Variants in PDE7A observed in about 807,000 individuals in gnomAD.
PDE7A encodes phosphodiesterase 7A.
Under a neutral mutation model 64.3 loss-of-function variants are expected in PDE7A, and 39 were observed. The ratio of observed to expected loss-of-function variants is 0.61; its 90% CI spans 0.47 to 0.79. The LOEUF is 0.79. Among genes scored for constraint, PDE7A ranks in the 30% least tolerant of loss-of-function variants. The pLI is 0.00. For missense variants in PDE7A, 470 were observed against 582.8 expected (o/e 0.81, Z 1.99); for synonymous variants, 203 against 206.8 (o/e 0.98, Z 0.16).
chr8:65,841,461 G>T lies in PDE7A; in HGVS notation c.48C>A (p.Val16=), dbSNP rs760555497. 6.4e-6 allele frequency: 10 copies of T among 1,564,540 alleles called. No individual in the cohort carries two copies. Among genetic ancestry groups the T allele is most frequent in the Non-Finnish European group, 8.6e-6 (10 of 1,160,026 alleles). Reference sequence around the variant, plus strand: ...CTCGGCGGCTGAGGACGTGCTGGGGGACCGGCCTGTCCAGGGGCAGTACCG... The same window carrying T: ...CTCGGCGGCTGAGGACGTGCTGGGGTACCGGCCTGTCCAGGGGCAGTACCG... ...QLPVLPLDRP[V]PQHVLSRRGA... Residue 16 remains valine (V), a synonymous_variant, in exon 1 of 13, where the codon GTC becomes GTA. Transcript: ENST00000401827.
chr8:65,763,215 G>A (rs908743256), intron 3 of PDE7A, among the ~76,000 whole-genome samples: 11 of 152,064 alleles, frequency 7.2e-5, no homozygotes, highest in South Asian at 4.1e-4. Flanking sequence ...AGATTATGCA[G>A]AATTCAATGT....
At position 65,841,864 on chromosome 8, in the gene PDE7A, C is replaced by A; in HGVS notation, c.-356G>T. ...GAGCAGGTACCCGGACTGCAGAGTT[C>A]GAGCGCAGCACGAACGGAGCAAAGC... On this transcript the variant is annotated 5_prime_UTR_variant, in exon 1 of 13. Transcript: ENST00000401827. 1 of 161,980 alleles carries A rather than the reference C, an allele frequency of 6.2e-6. No homozygotes were observed. The highest frequency in any genetic ancestry group is 1.4e-4 in the South Asian group (1 of 6,952). The allele number at this position is 161,980 out of a possible 1,614,324, so 10.0% of individuals were successfully genotyped here. A position where few individuals can be genotyped will look rare whatever the true frequency, so the allele number is the denominator to read the frequency against.
At chr8:65,818,369 A>G (rs1372157709) in intron 1 of PDE7A, among the ~76,000 whole-genome samples, 1 of 152,174 alleles carries the variant, frequency 6.6e-6, no homozygotes, top group African/African-American at 2.4e-5. Flanking sequence ...TTTGTTTAGC[A>G]TCATGATCAA....
chr8:65,742,268 T>G (rs1807473799), intron 5 of PDE7A, among the ~76,000 whole-genome samples: 1 of 152,208 alleles, frequency 6.6e-6, no homozygotes, highest in South Asian at 2.1e-4. Flanking sequence ...AGATGGGATC[T>G]GGTTGGAAGG....
At chr8:65,783,093 T>C (rs1025785345) in intron 1 of PDE7A, among the ~76,000 whole-genome samples, 4 of 152,146 alleles carry the variant, frequency 2.6e-5, no homozygotes, top group Non-Finnish European at 4.4e-5. Context: ...CAGCCTCTCT[T>C]TGGAAATTTA....
intron 1 of PDE7A, among the ~76,000 whole-genome samples, chr8:65,818,249 G>A (rs189759969): frequency 7.9e-5 from 12 of 152,034 alleles, no homozygotes; most frequent in Admixed American, 7.2e-4. Flanking sequence ...GTCACCCTCT[G>A]TTTCTTTACG....
chr8:65,719,274 C>T lies in PDE7A; in HGVS notation c.*16G>A, dbSNP rs774796286. 6.9e-6 allele frequency: 11 copies of T among 1,591,372 alleles called. No individual in the cohort carries two copies. The highest frequency in any genetic ancestry group is 2.2e-5 in the East Asian group (1 of 44,784). Reference sequence around the variant, plus strand: ...AAAAACCTCCAGGAGGCAGTTTGTCCCACTGGTTCTGGGGGTTATGATAAC... The same window carrying T: ...AAAAACCTCCAGGAGGCAGTTTGTCTCACTGGTTCTGGGGGTTATGATAAC... On this transcript the variant is annotated 3_prime_UTR_variant, in exon 13 of 13. Coordinates refer to ENST00000401827, the MANE Select transcript of PDE7A (RefSeq NM_001242318.3).
intron 1 of PDE7A, among the ~76,000 whole-genome samples, chr8:65,801,019 T>A (rs1156581896): frequency 6.6e-6 from 1 of 152,066 alleles, no homozygotes; most frequent in East Asian, 1.9e-4. Flanking sequence ...CAGAATCAGA[T>A]AGAGTCGTGC....
chr8:65,782,586 A>G (rs947436565), intron 2 of PDE7A, among the ~76,000 whole-genome samples, 197 bp downstream of exon 2: 2 of 152,204 alleles, frequency 1.3e-5, no homozygotes, highest in East Asian at 3.8e-4. Context: ...AAGATTTCTC[A>G]ATTACCTATA....
chr8:65,761,142 C>G (rs1347290822), intron 3 of PDE7A, among the ~76,000 whole-genome samples: 1 of 152,028 alleles, frequency 6.6e-6, no homozygotes, highest in Non-Finnish European at 1.5e-5. Context: ...TCACTGCAAC[C>G]TCCGCCTCCC....
chr8:65,828,618 A>C (rs750295271), intron 1 of PDE7A, among the ~76,000 whole-genome samples: 1 of 152,164 alleles, frequency 6.6e-6, no homozygotes, highest in African/African-American at 2.4e-5. Context: ...GGACTGCAGA[A>C]ATGGTAGTAT....
At chr8:65,723,699 C>T in intron 11 of PDE7A, 78 bp from the exon 12 acceptor site, 3 of 980,464 alleles carry the variant, frequency 3.1e-6, no homozygotes, top group Non-Finnish European at 4.2e-6. Context: ...TTGAACATAC[C>T]TGTGCATTTC....
chr8:65,797,649 T>C (rs1809875781), intron 1 of PDE7A, among the ~76,000 whole-genome samples: 1 of 152,208 alleles, frequency 6.6e-6, no homozygotes, highest in African/African-American at 2.4e-5. Flanking sequence ...CTGTCAATTT[T>C]CCCTTAATTG....
At chr8:65,756,547 C>T (rs1165044747) in intron 3 of PDE7A, among the ~76,000 whole-genome samples, 3 of 152,086 alleles carry the variant, frequency 2.0e-5, no homozygotes, top group Non-Finnish European at 4.4e-5. Flanking sequence ...TTTTTCATTT[C>T]AGTTATTCTA....
chr8:65,834,757 G>C (rs969600739), intron 1 of PDE7A, among the ~76,000 whole-genome samples: 1 of 152,132 alleles, frequency 6.6e-6, no homozygotes, highest in African/African-American at 2.4e-5. Flanking sequence ...GTGGAGGCAT[G>C]GAGCAGTGTT....
At chr8:65,752,273 C>T (rs1312299294) in intron 3 of PDE7A, among the ~76,000 whole-genome samples, 14 of 152,086 alleles carry the variant, frequency 9.2e-5, no homozygotes, top group South Asian at 6.2e-4. Context: ...TACTCAATAA[C>T]GCAAGACCTT....
At chr8:65,730,197 T>TTTTTG (rs1806810961) in intron 7 of PDE7A, among the ~76,000 whole-genome samples, 2 of 119,324 alleles carry the variant, frequency 1.7e-5, no homozygotes, top group African/African-American at 6.9e-5. Context: ...TTTTTTTTTT[T>TTTTTG]GAGATGGAGT....
intron 12 of PDE7A, chr8:65,721,694 A>G (rs1022870266): frequency 2.6e-5 from 4 of 152,194 alleles, no homozygotes; most frequent in Non-Finnish European, 5.9e-5. Context: ...AAGTTCTCCC[A>G]TTAAGCAAGG....
intron 1 of PDE7A, among the ~76,000 whole-genome samples, chr8:65,803,687 T>A (rs1429670454): frequency 6.6e-6 from 1 of 152,226 alleles, no homozygotes; most frequent in African/African-American, 2.4e-5. Flanking sequence ...CAAAATAGCA[T>A]AACATTATTG....
Sources: gnomAD v4.1 joint callset for allele counts (sites outside exome capture counted in the v4.1 genomes callset) on GRCh38, gnomAD v4.1.1 for gene constraint, MANE v1.5 for transcripts, NCBI Gene and HGNC (gene_info 2026-07-23, HGNC 2026-07-21) for gene names.